Variants in MITF observed in about 807,000 individuals in gnomAD.
MITF encodes the protein melanocyte inducing transcription factor.
Under a neutral mutation model 60.5 loss-of-function variants are expected in MITF, and 17 were observed. That is an observed-to-expected ratio of 0.28 (90% CI 0.19 to 0.42). The LOEUF is 0.42. MITF is among the 10% of genes least tolerant of loss of function. The probability of loss-of-function intolerance (pLI) is 1.00; values close to 1 mark genes in which losing one functional copy is unlikely to be tolerated. For synonymous variants in MITF, 260 were observed against 248.5 expected, an observed-to-expected ratio of 1.05 and a Z score of -0.43; for missense variants, 622 against 683.5, an observed-to-expected ratio of 0.91 and a Z score of 1.00.
intron 1 of MITF, among the ~76,000 whole-genome samples, chr3:69,789,876 C>T (rs1258995135): frequency 6.6e-6 from 1 of 151,944 alleles, no homozygotes; most frequent in African/African-American, 2.4e-5. Flanking sequence ...ACAAACAAAC[C>T]TCTCATGTGA....
intron 1 of MITF, among the ~76,000 whole-genome samples, chr3:69,832,767 A>C (rs968843953): frequency 6.6e-6 from 1 of 152,054 alleles, no homozygotes; most frequent in Non-Finnish European, 1.5e-5. Context: ...TTTACACTAT[A>C]TGTGTTTTTT....
At chr3:69,950,627 G>GTGTATA (rs1460249905) in intron 6 of MITF, among the ~76,000 whole-genome samples, 6 of 138,056 alleles carry the variant, frequency 4.3e-5, no homozygotes, top group African/African-American at 1.6e-4. Context: ...TATATGGTGT[G>GTGTATA]TATATATATA....
At chr3:69,840,861 T>C (rs11713008) in intron 1 of MITF, among the ~76,000 whole-genome samples, 22,381 of 151,576 alleles carry the variant, frequency 0.15, 1,775 homozygotes, top group African/African-American at 0.18. Flanking sequence ...GTTCAAGCAA[T>C]TCCCGTGCCT....
At chr3:69,795,692 C>T (rs1490703459) in intron 1 of MITF, among the ~76,000 whole-genome samples, 1 of 152,130 alleles carries the variant, frequency 6.6e-6, no homozygotes, top group East Asian at 1.9e-4. Context: ...CACCATTGCA[C>T]TCCTGCCTGG....
At chr3:69,808,369 A>G (rs1458413651) in intron 1 of MITF, among the ~76,000 whole-genome samples, 2 of 152,122 alleles carry the variant, frequency 1.3e-5, no homozygotes, top group East Asian at 1.9e-4. Flanking sequence ...CTATCTCAGG[A>G]AAGTTGAGAT....
chr3:69,911,319 G>A (rs149937340), intron 2 of MITF, among the ~76,000 whole-genome samples: 2,349 of 152,204 alleles, frequency 0.015, 29 homozygotes, highest in Middle Eastern at 0.051. Context: ...AAACGGACCA[G>A]TATAGATGGG....
intron 2 of MITF, among the ~76,000 whole-genome samples, chr3:69,927,348 A>G (rs964061113): frequency 1.2e-4 from 19 of 152,154 alleles, no homozygotes; most frequent in African/African-American, 4.3e-4. Flanking sequence ...GGAGGGGAAC[A>G]TCACACACCG....
intron 2 of MITF, among the ~76,000 whole-genome samples, chr3:69,935,816 G>A (rs535516729): frequency 6.6e-6 from 1 of 152,204 alleles, no homozygotes; most frequent in African/African-American, 2.4e-5. Context: ...TTTGTACAGT[G>A]TTTAGCACTT....
At chr3:69,963,334 A>C (rs554419096) in intron 9 of MITF, among the ~76,000 whole-genome samples, 2 of 152,332 alleles carry the variant, frequency 1.3e-5, no homozygotes, top group East Asian at 3.9e-4. Flanking sequence ...AACTTTAGTT[A>C]CTGGCATAGA....
chr3:69,934,472 A>G (rs1459116468), intron 2 of MITF, among the ~76,000 whole-genome samples: 1 of 152,236 alleles, frequency 6.6e-6, no homozygotes, highest in African/African-American at 2.4e-5. Context: ...ATGTTTGAGA[A>G]TTGCTGTTTT....
rs2107277353 is a variant in MITF, at chr3:69,879,273, G to C, written c.244G>C (p.Ala82Pro). The C allele has an allele frequency of 6.2e-7, 1 of 1,614,198 alleles. No individual in the cohort carries two copies. The highest frequency in any genetic ancestry group is 8.5e-7 in the Non-Finnish European group (1 of 1,180,044). Residue 82 changes from alanine (A) to proline (P), a missense_variant, in exon 2 of 10, where the codon GCG (alanine) becomes CCG (proline). Physicochemically the swap from Ala to Pro is conservative, Grantham distance 27. Around this residue, in one of 5 missense-constraint regions of MITF, gnomAD observed 149 missense variants for 157.8 expected, o/e 0.94. Coordinates refer to ENST00000352241, the MANE Select transcript of MITF (RefSeq NM_001354604.2). ...ERREQQQKLQ[A>P]AQFMQQRVPV... is the part of the protein sequence containing the mutation. ...CAGGGAGCAGCAGCAGAAGCTGCAG[G>C]CGGCCCAGTTCATGCAACAGAGAGT...
At chr3:69,878,796 A>C (rs1396175471) in intron 1 of MITF, among the ~76,000 whole-genome samples, 1 of 152,118 alleles carries the variant, frequency 6.6e-6, no homozygotes, top group Non-Finnish European at 1.5e-5. Flanking sequence ...TTTGGGTGCC[A>C]TTAAGATGCT....
intron 2 of MITF, among the ~76,000 whole-genome samples, chr3:69,896,868 A>G (rs552491899): frequency 7.2e-5 from 11 of 152,334 alleles, no homozygotes; most frequent in Non-Finnish European, 1.2e-4. Flanking sequence ...GAACCCTTCA[A>G]ACATTGCAGT....
intron 6 of MITF, among the ~76,000 whole-genome samples, chr3:69,950,448 T>TTATATATATATATATATA: frequency 7.6e-6 from 1 of 130,786 alleles, no homozygotes; most frequent in African/African-American, 2.9e-5. Context: ...AACTTCTGAG[T>TTATATATATATATATATA]TATATATATA....
chr3:69,826,034 A>G (rs1418269491), intron 1 of MITF, among the ~76,000 whole-genome samples: 1 of 152,202 alleles, frequency 6.6e-6, no homozygotes, highest in Non-Finnish European at 1.5e-5. Flanking sequence ...CATCTTTTTA[A>G]AATTTTACAC....
chr3:69,882,715 T>C (rs1484084953), intron 2 of MITF, among the ~76,000 whole-genome samples: 1 of 152,108 alleles, frequency 6.6e-6, no homozygotes, highest in African/African-American at 2.4e-5. Context: ...TGTAGGTGAG[T>C]TCAGCCTTAT....
At chr3:69,848,729 C>T (rs1245220784) in intron 1 of MITF, among the ~76,000 whole-genome samples, 4 of 152,106 alleles carry the variant, frequency 2.6e-5, no homozygotes, top group South Asian at 2.1e-4. Context: ...ACATCTGCTT[C>T]GCTCGTGATC....
chr3:69,922,207 A>C (rs76136317), intron 2 of MITF, among the ~76,000 whole-genome samples: 3,490 of 152,042 alleles, frequency 0.023, 124 homozygotes, highest in African/African-American at 0.079. Context: ...ATATATAGAG[A>C]TTTGAGGATT....
In MITF at chr3:69,894,993, T is replaced by C. The variant is rs111307370; in HGVS notation, c.354+15610T>C. ...CATGCCTCTGCATGGACCCCTAGTATGACCCAGGGGAAGTTGTCTTTCTGG... is the reference window on the plus strand; with the variant it reads ...CATGCCTCTGCATGGACCCCTAGTACGACCCAGGGGAAGTTGTCTTTCTGG... On this transcript the variant is annotated intron_variant, in intron 2 of 9. Coordinates refer to ENST00000352241, the MANE Select transcript of MITF (RefSeq NM_001354604.2). Among the ~76,000 whole-genome samples, 1,207 of 152,312 alleles carry C rather than the reference T, an allele frequency of 7.9e-3. 9 individuals are homozygous for C. The highest frequency in any genetic ancestry group is 0.026 in the African/African-American group (1,086 of 41,554).
Sources: gnomAD v4.1 joint callset for allele counts (sites outside exome capture counted in the v4.1 genomes callset) on GRCh38, gnomAD v4.1.1 for gene constraint, gnomAD v4.1.1 regional missense constraint, MANE v1.5 for transcripts, NCBI Gene and HGNC (gene_info 2026-07-23, HGNC 2026-07-21) for gene names.